Variants in SLC25A21 observed in about 807,000 individuals in gnomAD.
SLC25A21 encodes the protein mitochondrial 2-oxodicarboxylate carrier.
SLC25A21 carries 47 observed loss-of-function variants against 43.8 expected under a neutral mutation model. The ratio of observed to expected loss-of-function variants is 1.07; its 90% CI spans 0.85 to 1.37. The LOEUF is 1.37. Among genes scored for constraint, SLC25A21 ranks in the 40% most tolerant of loss-of-function variants. The pLI is 0.00. For synonymous variants in SLC25A21, 131 were observed against 121.3 expected (o/e 1.08, Z -0.52); for missense variants, 352 against 350.2 (o/e 1.00, Z -0.04).
In SLC25A21 at chr14:37,030,959, T is replaced by C. The variant is rs151047770; in HGVS notation, c.70+141322A>G. Among the ~76,000 whole-genome samples the C allele has an allele frequency of 7.9e-3, 1,196 of 152,244 alleles. 12 individuals are homozygous for C. The highest frequency in any genetic ancestry group is 0.028 in the African/African-American group (1,142 of 41,522). Reference sequence around the variant, plus strand: ...TTTATCATTCACTTTTACCCTGAGATTGTGCAGGAAATGGGAATTTCCAAA... The same window carrying C: ...TTTATCATTCACTTTTACCCTGAGACTGTGCAGGAAATGGGAATTTCCAAA... On this transcript the variant is annotated intron_variant, in intron 1 of 9. Transcript: ENST00000331299.
rs68013942 is a variant in SLC25A21, at chr14:37,040,440, A to AAAGAAAGAAAGAAAGAAGG, written c.70+131840_70+131841insCCTTCTTTCTTTCTTTCTT. The stretch of plus-strand genomic sequence containing the variant: ...GAAAGAAAGAAAGAAAGAAAGAAAG[A>AAAGAAAGAAAGAAAGAAGG]AAAGAAAAATTAGTTACAGGGTGAG... On this transcript the variant is annotated intron_variant, in intron 1 of 9. Transcript: ENST00000331299. 2.7e-4 allele frequency among the ~76,000 whole-genome samples: 13 copies of AAAGAAAGAAAGAAAGAAGG among 48,674 alleles called. 5 individuals are homozygous for AAAGAAAGAAAGAAAGAAGG. The African/African-American group carries it at 5.2e-3, about 20-fold the overall frequency. 31.9% of individuals were successfully genotyped at this position (48,674 alleles called of 152,430 possible).
At chr14:36,690,823 T>C (rs1594491175) in intron 7 of SLC25A21, among the ~76,000 whole-genome samples, 1 of 152,140 alleles carries the variant, frequency 6.6e-6, no homozygotes, top group Non-Finnish European at 1.5e-5. Context: ...TCGTTGGCTG[T>C]TAAGGAAGTC....
At chr14:36,880,133 A>C (rs575979034) in intron 1 of SLC25A21, among the ~76,000 whole-genome samples, 1 of 152,252 alleles carries the variant, frequency 6.6e-6, no homozygotes, top group African/African-American at 2.4e-5. Flanking sequence ...AATGTGACTA[A>C]GTTCTGGCCA....
chr14:37,172,428 A>C lies in SLC25A21; in HGVS notation c.-78T>G. The C allele has an allele frequency of 6.9e-7, 1 of 1,455,898 alleles. No individual in the cohort carries two copies. Among genetic ancestry groups the C allele is most frequent in the Non-Finnish European group, 9.4e-7 (1 of 1,059,502 alleles). The allele number at this position is 1,455,898 out of a possible 1,614,324, so 90.2% of individuals were successfully genotyped here. A position where few individuals can be genotyped will look rare whatever the true frequency, so the allele number is the denominator to read the frequency against. ...CAGCCTGCACAGCCTACTGATCCAG[A>C]GAGCCCCGGCTGGGCTGGTCCTCAA... On this transcript the variant is annotated 5_prime_UTR_variant, in exon 1 of 10. Transcript: ENST00000331299.
chr14:36,950,355 T>C (rs1325652537), intron 1 of SLC25A21, among the ~76,000 whole-genome samples: 1 of 152,118 alleles, frequency 6.6e-6, no homozygotes, highest in Non-Finnish European at 1.5e-5. Context: ...TAAGATTAAA[T>C]GGGGTCGTAA....
intron 1 of SLC25A21, among the ~76,000 whole-genome samples, chr14:36,964,664 A>G (rs904897688): frequency 6.6e-6 from 1 of 152,248 alleles, no homozygotes; most frequent in Non-Finnish European, 1.5e-5. Flanking sequence ...CACTCAAACA[A>G]TACATTTAGG....
At chr14:36,960,925 T>G (rs1959474515) in intron 1 of SLC25A21, among the ~76,000 whole-genome samples, 1 of 152,226 alleles carries the variant, frequency 6.6e-6, no homozygotes, top group African/African-American at 2.4e-5. Context: ...GCACACAGTA[T>G]GCACAATGAC....
intron 1 of SLC25A21, among the ~76,000 whole-genome samples, chr14:37,075,172 C>G (rs370841788): frequency 6.6e-6 from 1 of 152,170 alleles, no homozygotes; most frequent in East Asian, 1.9e-4. Flanking sequence ...AGCTTTCCAC[C>G]ACTAATACCT....
At position 36,711,477 on chromosome 14, in the gene SLC25A21, T is replaced by C. The variant is rs1342023107; in HGVS notation, c.444A>G (p.Pro148=). The change falls in exon 7 of 10, where the codon CCA becomes CCG. Residue 148 remains proline (P), a synonymous_variant. Transcript: ENST00000331299. Reference sequence around the variant, plus strand: ...TTTGTCTTGCATAACCCACAGTGGATGGTTGCTGCAGAAGAGAGAAGCAAG... The same window carrying C: ...TTTGTCTTGCATAACCCACAGTGGACGGTTGCTGCAGAAGAGAGAAGCAAG... ...QANRNTFAEQ[P]STVGYARQII... 5 of 1,613,742 alleles carry C rather than the reference T, an allele frequency of 3.1e-6. No individual in the cohort carries two copies. The highest frequency in any genetic ancestry group is 4.2e-6 in the Non-Finnish European group (5 of 1,179,896).
intron 1 of SLC25A21, among the ~76,000 whole-genome samples, chr14:37,143,590 G>A (rs930043385): frequency 9.4e-5 from 1 of 10,628 alleles, no homozygotes; most frequent in Admixed American, 1.3e-3. Flanking sequence ...GTTCATTAGC[G>A]TGTGTGTGTG....
At chr14:36,971,382 T>C (rs1959744721) in intron 1 of SLC25A21, among the ~76,000 whole-genome samples, 1 of 152,162 alleles carries the variant, frequency 6.6e-6, no homozygotes, top group African/African-American at 2.4e-5. Context: ...TGGCTCCATC[T>C]TCTCTTTTCT....
chr14:36,955,672 T>G (rs987289520), intron 1 of SLC25A21, among the ~76,000 whole-genome samples: 5 of 151,846 alleles, frequency 3.3e-5, no homozygotes, highest in African/African-American at 1.2e-4. Flanking sequence ...CTCTTGATTT[T>G]TCACATCTAC....
chr14:36,776,267 C>T (rs1265238145), intron 3 of SLC25A21, among the ~76,000 whole-genome samples: 3 of 86,124 alleles, frequency 3.5e-5, no homozygotes, highest in South Asian at 3.6e-4. Flanking sequence ...GATGGAGTCT[C>T]GCTTTGTGGC....
intron 1 of SLC25A21, among the ~76,000 whole-genome samples, chr14:37,042,461 C>T (rs1193778461): frequency 6.6e-6 from 1 of 152,166 alleles, no homozygotes; most frequent in Admixed American, 6.5e-5. Context: ...CTTAGACTCT[C>T]CCATTTTCTT....
Position 36,680,017 on chromosome 14 carries a change from A to T in SLC25A21, c.*641T>A. ...AATACCTATTTATTATCTTACAGCA[A>T]TATGAGATATAAAGTAGATGTAGGA... On this transcript the variant is annotated 3_prime_UTR_variant, in exon 10 of 10. Transcript: ENST00000331299. 3.5e-6 allele frequency: 3 copies of T among 854,516 alleles called. No homozygotes were observed. Among genetic ancestry groups the T allele is most frequent in the Non-Finnish European group, 4.2e-6 (3 of 711,778 alleles). 52.9% of individuals were successfully genotyped at this position (854,516 alleles called of 1,614,324 possible).
At chr14:36,919,204 C>G (rs1332826131) in intron 1 of SLC25A21, among the ~76,000 whole-genome samples, 1 of 152,058 alleles carries the variant, frequency 6.6e-6, no homozygotes, top group East Asian at 1.9e-4. Flanking sequence ...GCATTAGATA[C>G]CTTATTCTAA....
intron 3 of SLC25A21, among the ~76,000 whole-genome samples, chr14:36,786,813 C>A (rs1332898750): frequency 6.6e-6 from 1 of 152,204 alleles, no homozygotes; most frequent in South Asian, 2.1e-4. Flanking sequence ...AAGAGTTTGG[C>A]GTATGGCACT....
chr14:37,069,842 C>T (rs895256454), intron 1 of SLC25A21, among the ~76,000 whole-genome samples: 1 of 152,108 alleles, frequency 6.6e-6, no homozygotes, highest in African/African-American at 2.4e-5. Context: ...AATTTGCAGA[C>T]AAAACCCTGG....
At chr14:37,169,849 G>A (rs1456639825) in intron 1 of SLC25A21, among the ~76,000 whole-genome samples, 1 of 151,938 alleles carries the variant, frequency 6.6e-6, no homozygotes, top group African/African-American at 2.4e-5. Context: ...GAAAGTATAA[G>A]TTACTCTAAT....
Sources: gnomAD v4.1 joint callset for allele counts (sites outside exome capture counted in the v4.1 genomes callset) on GRCh38, gnomAD v4.1.1 for gene constraint, MANE v1.5 for transcripts, NCBI Gene and HGNC (gene_info 2026-07-23, HGNC 2026-07-21) for gene names.